The following SRPRA variants were observed in gnomAD, a reference collection of about 807,000 sequenced individuals.
SRPRA encodes the protein SRP receptor subunit alpha, also known as signal recognition particle receptor subunit alpha.
A neutral mutation model predicts 61.1 loss-of-function variants in SRPRA; 30 were observed. The ratio of observed to expected loss-of-function variants is 0.49; its 90% confidence interval spans 0.37 to 0.67. SRPRA has a LOEUF of 0.67. SRPRA is among the 30% of genes least tolerant of loss of function. The pLI, the probability that SRPRA is intolerant of heterozygous loss-of-function variation, is 0.00. For missense variants in SRPRA, 759 were observed against 828.4 expected (o/e 0.92, Z 1.03); for synonymous variants, 324 against 299.7 (o/e 1.08, Z -0.84).
the SRPRA span, chr11:126,254,364 C>A: frequency 1.2e-6 from 2 of 1,614,220 alleles, no homozygotes; most frequent in Non-Finnish European, 1.7e-6. Flanking sequence ...ACGGAGTCTA[C>A]ACCAACCCTA....
At position 126,264,073 on chromosome 11, in the gene SRPRA, A is replaced by G. The variant is rs1455300995; in HGVS notation, c.1789-29T>C. On this transcript the variant is annotated intron_variant, in intron 13 of 13. Coordinates refer to ENST00000332118, the MANE Select transcript of SRPRA (RefSeq NM_003139.4). This position sits in a 1 kb window ranked among gnomAD's most constrained non-coding sequence, Gnocchi z 5.0. ...AGTGGAGAAAGAGGACAGCCCATCA[A>G]CACAAGCCCACTTTTCACTCACCCT... is the stretch of plus-strand genomic sequence containing the variant. 6.2e-7 allele frequency: 1 copy of G among 1,613,954 alleles called. No individual in the cohort carries two copies. The highest frequency in any genetic ancestry group is 1.1e-5 in the South Asian group (1 of 91,060).
chr11:126,259,487 A>G (rs55640045), downstream of SRPRA, among the ~76,000 whole-genome samples: 17,960 of 143,186 alleles, frequency 0.13, 1,127 homozygotes, highest in East Asian at 0.15. Flanking sequence ...GTGCAGTGGC[A>G]CAATCTCGGC....
In SRPRA at chr11:126,264,350, A is replaced by C; in HGVS notation, c.1689+26T>G. 6.2e-7 allele frequency: 1 copy of C among 1,613,862 alleles called. No individual in the cohort carries two copies. Among genetic ancestry groups the C allele is most frequent in the Non-Finnish European group, 8.5e-7 (1 of 1,179,734 alleles). ...CTAAATTGACCAAAGCTCAAGTTGT[A>C]AAGGGAACTGGGCCCACGCTCTCAC... On this transcript the variant is annotated intron_variant, in intron 12 of 13. Transcript: ENST00000332118. The surrounding 1 kb of genome is among the most constrained non-coding windows in gnomAD (Gnocchi z 5.0).
chr11:126,266,362 T>G (rs758993896), intron 6 of SRPRA, 84 bp from the exon 7 acceptor site: 90 of 1,592,180 alleles, frequency 5.7e-5, no homozygotes, highest in Non-Finnish European at 7.6e-5. Context: ...CTCTTTCATT[T>G]TGGGAAGCTC....
the SRPRA span, among the ~76,000 whole-genome samples, chr11:126,238,294 A>C: frequency 9.3e-4 from 141 of 152,172 alleles, no homozygotes; most frequent in Middle Eastern, 6.8e-3. Flanking sequence ...CCCAGGAGGC[A>C]GAGGTTGCAG....
the SRPRA span, among the ~76,000 whole-genome samples, chr11:126,238,907 T>C: frequency 1.3e-5 from 2 of 152,152 alleles, no homozygotes; most frequent in South Asian, 4.1e-4. Context: ...TAACTATTAT[T>C]TGGTGGTTTA....
chr11:126,257,622 G>A, the SRPRA span, among the ~76,000 whole-genome samples: 1 of 80,092 alleles, frequency 1.2e-5, no homozygotes, highest in Admixed American at 1.3e-4. Flanking sequence ...TTTTTTTTTT[G>A]GTGCGTGTAG....
chr11:126,246,579 C>T, the SRPRA span, among the ~76,000 whole-genome samples: 3 of 152,164 alleles, frequency 2.0e-5, no homozygotes, highest in South Asian at 2.1e-4. Flanking sequence ...AACCCTGGGG[C>T]GGGAGGCGGT....
chr11:126,262,368 A>C, downstream of SRPRA: 11 of 560,404 alleles, frequency 2.0e-5, no homozygotes, highest in Admixed American at 3.2e-5. Flanking sequence ...CAGGACCCAA[A>C]TGCAGCTCCC....
chr11:126,250,830 C>T, the SRPRA span: 1 of 957,528 alleles, frequency 1.0e-6, no homozygotes, highest in South Asian at 1.9e-5. This position sits in a 1 kb window ranked among gnomAD's most constrained non-coding sequence, Gnocchi z 5.1. Flanking sequence ...TTATGTAGAG[C>T]TAGAAAGGAA....
At chr11:126,244,325 T>G in the SRPRA span, among the ~76,000 whole-genome samples, 1 of 152,176 alleles carries the variant, frequency 6.6e-6, no homozygotes, top group Non-Finnish European at 1.5e-5. The surrounding 1 kb of genome is among the most constrained non-coding windows in gnomAD (Gnocchi z 4.5). Flanking sequence ...GATGATCTAG[T>G]CTATAGAAGA....
the SRPRA span, among the ~76,000 whole-genome samples, chr11:126,238,118 T>C: frequency 1.3e-5 from 2 of 152,088 alleles, no homozygotes; most frequent in Non-Finnish European, 2.9e-5. Context: ...TCCCAGCACT[T>C]TGGGAGGCCA....
chr11:126,237,294 C>T, the SRPRA span, among the ~76,000 whole-genome samples: 1 of 136,374 alleles, frequency 7.3e-6, no homozygotes, highest in Non-Finnish European at 1.5e-5. Context: ...AATCTCAGCT[C>T]ACTGCAACCT....
chr11:126,258,785 T>G (rs1446762775), downstream of SRPRA, among the ~76,000 whole-genome samples: 1 of 152,230 alleles, frequency 6.6e-6, no homozygotes, highest in African/African-American at 2.4e-5. Context: ...ATGCTAAAGT[T>G]TAAAACAGCA....
At position 126,268,876 on chromosome 11, in the gene SRPRA, C is replaced by G; in HGVS notation, c.-72G>C. The G allele has an allele frequency of 1.5e-6, 2 of 1,302,488 alleles. No individual in the cohort carries two copies. The highest frequency in any genetic ancestry group is 2.3e-5 in the East Asian group (1 of 43,050). 80.7% of individuals were successfully genotyped at this position (1,302,488 alleles called of 1,614,324 possible). ...GCGTTCGCCGCCGCTTCCTGCTGCG[C>G]CAAGCGCGGGACACGTCACACCAGT... is the stretch of plus-strand genomic sequence containing the variant. On this transcript the variant is annotated 5_prime_UTR_variant, in exon 1 of 14. Transcript: ENST00000332118.
At chr11:126,254,197 A>G in the SRPRA span, 1 of 1,323,308 alleles carries the variant, frequency 7.6e-7, no homozygotes, top group East Asian at 2.4e-5. Flanking sequence ...ATGAAGCTAG[A>G]GAGTTTATGT....
In SRPRA at chr11:126,265,081, T is replaced by C. The variant is rs1157901095; in HGVS notation, c.1403A>G (p.His468Arg). The C allele has an allele frequency of 6.2e-7, 1 of 1,614,116 alleles. No homozygotes were observed. The highest frequency in any genetic ancestry group is 1.7e-5 in the Admixed American group (1 of 60,014). Reference sequence around the variant, plus strand: ...GTGTAGGGCACTCAAACGCCGGGTGTGTGTACGCAGCTGCTCCACGGCCCC... The same window carrying C: ...GTGTAGGGCACTCAAACGCCGGGTGCGTGTACGCAGCTGCTCCACGGCCCC... The part of the protein sequence containing the change: ...RAGAVEQLRT[H>R]TRRLSALHPP... Residue 468 changes from histidine to arginine, a missense_variant, in exon 11 of 14, where the codon CAC (histidine) becomes CGC (arginine). By Grantham distance (29) the His-to-Arg change is conservative. Transcript: ENST00000332118. The surrounding 1 kb of genome is among the most constrained non-coding windows in gnomAD (Gnocchi z 6.3).
At chr11:126,241,690 C>T in the SRPRA span, among the ~76,000 whole-genome samples, 10 of 152,014 alleles carry the variant, frequency 6.6e-5, no homozygotes, top group African/African-American at 2.2e-4. Context: ...GGTGGGATTA[C>T]AGGCATGTGC....
the SRPRA span, among the ~76,000 whole-genome samples, chr11:126,240,395 C>G: frequency 6.6e-6 from 1 of 150,656 alleles, no homozygotes; most frequent in Non-Finnish European, 1.5e-5. Context: ...GGGTTCTTTT[C>G]TCTTTTTCTA....
Sources: gnomAD v4.1 joint callset for allele counts (sites outside exome capture counted in the v4.1 genomes callset) on GRCh38, gnomAD v4.1.1 for gene constraint, Gnocchi (gnomAD v3.1) non-coding constraint, MANE v1.5 for transcripts, NCBI Gene and HGNC (gene_info 2026-07-23, HGNC 2026-07-21) for gene names.